The following ERGIC1 variants were observed in gnomAD, a reference collection of about 807,000 sequenced individuals.
The protein encoded by ERGIC1 is endoplasmic reticulum-Golgi intermediate compartment protein 1.
In ERGIC1, 19 loss-of-function variants were observed where a neutral mutation model predicts 38.3. The observed-to-expected ratio is 0.50, with a 90% CI of 0.35 to 0.73. The LOEUF is 0.73. Ranked by LOEUF, ERGIC1 falls within the 30% of genes least tolerant of loss-of-function variation. The pLI is 0.01. For missense variants in ERGIC1, 294 were observed against 389.2 expected (o/e 0.76, Z 2.06); for synonymous variants, 124 against 157.6 (o/e 0.79, Z 1.60).
chr5:172,930,357 T>C (rs1216909530), intron 7 of ERGIC1, among the ~76,000 whole-genome samples: 4 of 28,000 alleles, frequency 1.4e-4, no homozygotes, highest in Admixed American at 8.2e-4. Context: ...TTTGTACAAT[T>C]TTTTTTTTTT....
rs535612817 is a variant in ERGIC1 at position 172,940,264 on chromosome 5, G to A, written c.765+4954G>A. 1.7e-4 allele frequency among the ~76,000 whole-genome samples: 26 copies of A among 152,282 alleles called. No homozygotes were observed. In the South Asian group the frequency reaches 5.0e-3, roughly 29 times the overall value. ...CTAGCCTACAACAGTTTTTCCTCCT[G>A]GAAGTCTTTAGCCAGGCTTCTTGGA... On this transcript the variant is annotated intron_variant, in intron 9 of 9. Transcript: ENST00000393784.
intron 1 of ERGIC1, among the ~76,000 whole-genome samples, chr5:172,874,916 C>G (rs1762106247): frequency 6.9e-6 from 1 of 145,648 alleles, no homozygotes; most frequent in Non-Finnish European, 1.5e-5. Flanking sequence ...GAGTGAGACC[C>G]TGTCTAAAAA....
At chr5:172,845,883 A>G (rs1457331393) in intron 1 of ERGIC1, among the ~76,000 whole-genome samples, 8 of 150,166 alleles carry the variant, frequency 5.3e-5, no homozygotes, top group African/African-American at 2.0e-4. Context: ...AAGGTCCCAC[A>G]TTTGCATTCA....
chr5:172,941,268 G>T (rs1010855185), intron 9 of ERGIC1, among the ~76,000 whole-genome samples: 4 of 151,858 alleles, frequency 2.6e-5, no homozygotes, highest in African/African-American at 9.7e-5. Context: ...AAAAAAAGGT[G>T]ATCATATTTT....
chr5:172,851,667 G>A (rs968296492), intron 1 of ERGIC1, among the ~76,000 whole-genome samples: 2 of 152,114 alleles, frequency 1.3e-5, no homozygotes, highest in African/African-American at 4.8e-5. Flanking sequence ...GGAGGTGGGG[G>A]GGTATGGTCA....
chr5:172,888,041 T>C (rs1344481880), intron 1 of ERGIC1, among the ~76,000 whole-genome samples: 2 of 152,208 alleles, frequency 1.3e-5, no homozygotes, highest in African/African-American at 4.8e-5. Flanking sequence ...AGGGGTTCCA[T>C]ACATTCCATA....
intron 1 of ERGIC1, among the ~76,000 whole-genome samples, chr5:172,880,886 C>G (rs1762263458): frequency 6.6e-6 from 1 of 152,196 alleles, no homozygotes; most frequent in Non-Finnish European, 1.5e-5. Context: ...CCCTGGCATC[C>G]AGGTTAGTTT....
chr5:172,931,814 G>A (rs1763780462), intron 7 of ERGIC1, among the ~76,000 whole-genome samples: 1 of 149,704 alleles, frequency 6.7e-6, no homozygotes, highest in African/African-American at 2.5e-5. Flanking sequence ...CCCATGACTT[G>A]GTTCTTTTCC....
At chr5:172,857,588 G>GCCCCCCC (rs57477954) in intron 1 of ERGIC1, among the ~76,000 whole-genome samples, 20 of 132,692 alleles carry the variant, frequency 1.5e-4, no homozygotes, top group African/African-American at 3.9e-4. Flanking sequence ...TAATAATGGT[G>GCCCCCCC]CCCCCCCCAC....
chr5:172,938,633 T>A (rs1388831497), intron 9 of ERGIC1, among the ~76,000 whole-genome samples: 1 of 151,592 alleles, frequency 6.6e-6, no homozygotes, highest in Admixed American at 6.6e-5. Flanking sequence ...GCACTTGTAG[T>A]CCCAGCTACT....
At chr5:172,870,827 A>C (rs950560217) in intron 1 of ERGIC1, among the ~76,000 whole-genome samples, 1 of 152,126 alleles carries the variant, frequency 6.6e-6, no homozygotes, top group African/African-American at 2.4e-5. Context: ...GAGGAAGCCA[A>C]GTGGCTCCCC....
chr5:172,848,036 A>G (rs1761320353), intron 1 of ERGIC1, among the ~76,000 whole-genome samples: 1 of 152,208 alleles, frequency 6.6e-6, no homozygotes, highest in African/African-American at 2.4e-5. Flanking sequence ...AGTGCTAGAG[A>G]GAGGAGATGT....
chr5:172,863,171 G>A (rs555986243), intron 1 of ERGIC1, among the ~76,000 whole-genome samples: 7 of 152,244 alleles, frequency 4.6e-5, no homozygotes, highest in Middle Eastern at 3.4e-3. Context: ...GGCTGCTGTC[G>A]AACTCCTGAC....
intron 1 of ERGIC1, among the ~76,000 whole-genome samples, chr5:172,867,913 G>A (rs793026): frequency 0.76 from 115,065 of 152,072 alleles, 44,217 homozygotes; most frequent in Non-Finnish European, 0.83. Flanking sequence ...GGAGGGAGAC[G>A]TAATGCCCCT....
chr5:172,941,208 G>C (rs910761021), intron 9 of ERGIC1, among the ~76,000 whole-genome samples: 4 of 151,486 alleles, frequency 2.6e-5, no homozygotes, highest in East Asian at 1.9e-4. Flanking sequence ...GATCTTGGCA[G>C]TAAGCCAAGA....
At chr5:172,874,120 C>T (rs1204342734) in intron 1 of ERGIC1, among the ~76,000 whole-genome samples, 1 of 152,142 alleles carries the variant, frequency 6.6e-6, no homozygotes, top group African/African-American at 2.4e-5. Flanking sequence ...GCTCTGTCCC[C>T]CGGGCTGGAG....
At chr5:172,877,999 G>T (rs1354547318) in intron 1 of ERGIC1, among the ~76,000 whole-genome samples, 1 of 152,204 alleles carries the variant, frequency 6.6e-6, no homozygotes, top group Non-Finnish European at 1.5e-5. Flanking sequence ...AGTGTGGTTT[G>T]TCTGGCCTTC....
intron 1 of ERGIC1, among the ~76,000 whole-genome samples, chr5:172,883,949 C>T (rs1478504913): frequency 6.6e-6 from 1 of 152,162 alleles, no homozygotes; most frequent in Non-Finnish European, 1.5e-5. Flanking sequence ...TCACTGCACT[C>T]CAGCCTGGGT....
At position 172,932,619 on chromosome 5, in the gene ERGIC1, ACGC is replaced by A. The variant is rs1763803920; in HGVS notation, c.642+84_642+86del. The A allele has an allele frequency of 8.0e-6, 11 of 1,372,392 alleles. 1 individual carries two copies. Among genetic ancestry groups the A allele is most frequent in the South Asian group, 7.2e-5 (6 of 83,048 alleles). The allele number at this position is 1,372,392 out of a possible 1,614,324, so 85.0% of individuals were successfully genotyped here. A position where few individuals can be genotyped will look rare whatever the true frequency, so the allele number is the denominator to read the frequency against. The stretch of plus-strand genomic sequence containing the variant: ...GCAGAGATGACAGGCGGCTGCACCG[ACGC>A]ACTTTCTTCTGATTCCTTTCTGGAG... On this transcript the variant is annotated intron_variant, in intron 8 of 9. Coordinates refer to ENST00000393784, the MANE Select transcript of ERGIC1 (RefSeq NM_001031711.3).
Sources: allele counts gnomAD v4.1 joint callset (sites outside exome capture counted in the v4.1 genomes callset), GRCh38; gene constraint gnomAD v4.1.1; transcripts MANE v1.5; gene names NCBI Gene and HGNC (gene_info 2026-07-23, HGNC 2026-07-21).